The following TESK2 variants were observed in gnomAD, a reference collection of about 807,000 sequenced individuals.
The protein encoded by TESK2 is testis associated actin remodelling kinase 2, also known as dual specificity testis-specific protein kinase 2.
Under a neutral mutation model 57.1 loss-of-function variants are expected in TESK2, and 39 were observed. The ratio of observed to expected loss-of-function variants is 0.68; its 90% CI spans 0.53 to 0.89. The LOEUF is 0.89. TESK2 is among the 40% of genes least tolerant of loss of function. The pLI, the probability that TESK2 is intolerant of heterozygous loss-of-function variation, is 0.00. For missense variants in TESK2, 646 were observed against 732.1 expected, an observed-to-expected ratio of 0.88 and a Z score of 1.36; for synonymous variants, 249 against 267.9, an observed-to-expected ratio of 0.93 and a Z score of 0.69.
intron 1 of TESK2, among the ~76,000 whole-genome samples, chr1:45,487,564 G>C (rs1382213528): frequency 1.3e-5 from 2 of 152,152 alleles, no homozygotes; most frequent in African/African-American, 4.8e-5. Flanking sequence ...TTGAAATAAT[G>C]AACTCTGGGC....
chr1:45,392,165 A>C (rs1306103587), intron 3 of TESK2, among the ~76,000 whole-genome samples: 1 of 152,190 alleles, frequency 6.6e-6, no homozygotes, highest in Non-Finnish European at 1.5e-5. Context: ...GCCTCACTGC[A>C]ACCTCCGCCT....
In TESK2 at chr1:45,385,941, G is replaced by T; in HGVS notation, c.364C>A (p.His122Asn). The change falls in exon 4 of 11, where the codon CAT becomes AAT. Residue 122 changes from histidine (H) to asparagine (N), a missense_variant. By Grantham distance (68) the His-to-Asn change is moderately conservative. Coordinates refer to ENST00000372086, the MANE Select transcript of TESK2 (RefSeq NM_007170.3). ...NILRFMGVCVHQGQLHALTEY... is the reference protein window; with the variant it reads ...NILRFMGVCVNQGQLHALTEY... Reference sequence around the variant, plus strand: ...GTAAGTGCATGCAATTGTCCTTGATGAACACATACACCCATGAACCTAAAG... The same window carrying T: ...GTAAGTGCATGCAATTGTCCTTGATTAACACATACACCCATGAACCTAAAG... The T allele has an allele frequency of 6.2e-7, 1 of 1,607,200 alleles. No homozygotes were observed. The highest frequency in any genetic ancestry group is 1.1e-5 in the South Asian group (1 of 90,366).
intron 2 of TESK2, among the ~76,000 whole-genome samples, chr1:45,427,827 A>T (rs1650765846): frequency 1.3e-5 from 2 of 152,168 alleles, no homozygotes; most frequent in Non-Finnish European, 2.9e-5. Flanking sequence ...GCTTGATAGA[A>T]TGAAGAAGAT....
chr1:45,398,959 C>T, intron 3 of TESK2: 2 of 426,180 alleles, frequency 4.7e-6, no homozygotes, highest in South Asian at 1.7e-5. Context: ...CCACCTCTAC[C>T]CAACCTCCAT....
In TESK2 at chr1:45,421,764, A is replaced by G. The variant is rs1271599130; in HGVS notation, c.305T>C (p.Val102Ala). Residue 102 changes from valine to alanine, a missense_variant, in exon 3 of 11, where the codon GTA (valine) becomes GCA (alanine). Transcript: ENST00000372086. ...ATGGGAGAGTCTATTCATGAGCTGT[A>G]CTTCTTTCAGCATGTTTGCCCGGTT... ...SSNRANMLKE[V>A]QLMNRLSHPN... is the part of the protein sequence containing the mutation. 1.9e-6 allele frequency: 3 copies of G among 1,614,014 alleles called. No individual in the cohort carries two copies. Among genetic ancestry groups the G allele is most frequent in the Non-Finnish European group, 2.5e-6 (3 of 1,180,018 alleles).
At chr1:45,402,394 TAAAA>T (rs538809925) in intron 3 of TESK2, among the ~76,000 whole-genome samples, 1 of 115,578 alleles carries the variant, frequency 8.7e-6, no homozygotes, top group Non-Finnish European at 1.8e-5. Flanking sequence ...ATCTTGTCTT[TAAAA>T]AAAAAAAAAA....
intron 3 of TESK2, among the ~76,000 whole-genome samples, chr1:45,419,022 G>C (rs1261349080): frequency 6.7e-6 from 1 of 149,388 alleles, no homozygotes; most frequent in African/African-American, 2.5e-5. Context: ...TCTGTTGCCA[G>C]GCTGGAATAC....
At chr1:45,370,940 C>T (rs1648152764) in intron 4 of TESK2, among the ~76,000 whole-genome samples, 1 of 152,030 alleles carries the variant, frequency 6.6e-6, no homozygotes, top group African/African-American at 2.4e-5. Flanking sequence ...TAAAAACAGA[C>T]ATATAGACCA....
chr1:45,403,085 A>T (rs139962010), intron 3 of TESK2, among the ~76,000 whole-genome samples: 2 of 151,880 alleles, frequency 1.3e-5, no homozygotes, highest in Admixed American at 1.3e-4. Context: ...GGAGTTCAAG[A>T]TCAGCCTGGG....
chr1:45,437,140 T>A (rs1267493628), intron 2 of TESK2, among the ~76,000 whole-genome samples: 3 of 152,170 alleles, frequency 2.0e-5, no homozygotes, highest in Admixed American at 2.0e-4. Context: ...TGTAGATTGT[T>A]TTTGGGTAGC....
At chr1:45,393,008 G>A (rs939031247) in intron 3 of TESK2, among the ~76,000 whole-genome samples, 1 of 152,120 alleles carries the variant, frequency 6.6e-6, no homozygotes, top group Non-Finnish European at 1.5e-5. Context: ...GAACATTAGA[G>A]GCAAGTACAA....
At chr1:45,469,508 T>A (rs1434385726) in intron 1 of TESK2, among the ~76,000 whole-genome samples, 1 of 152,214 alleles carries the variant, frequency 6.6e-6, no homozygotes, top group Non-Finnish European at 1.5e-5. Context: ...AGGATTCAAA[T>A]CTAGTAGTTT....
chr1:45,366,591 T>C (rs1009087010), intron 4 of TESK2, among the ~76,000 whole-genome samples: 2 of 152,186 alleles, frequency 1.3e-5, no homozygotes, highest in African/African-American at 4.8e-5. Flanking sequence ...TTCATCACAC[T>C]GTACTATAAC....
chr1:45,369,688 G>T (rs1392538426), intron 4 of TESK2, among the ~76,000 whole-genome samples: 2 of 151,848 alleles, frequency 1.3e-5, no homozygotes, highest in African/African-American at 2.4e-5. Context: ...GGACTCTGAG[G>T]CCAGGTCTTG....
chr1:45,475,270 G>C (rs1388531846), intron 1 of TESK2, among the ~76,000 whole-genome samples: 5 of 143,668 alleles, frequency 3.5e-5, no homozygotes, highest in Non-Finnish European at 7.5e-5. Context: ...GCAGTGACGC[G>C]ATCTTGGTTC....
intron 1 of TESK2, among the ~76,000 whole-genome samples, chr1:45,468,731 A>G (rs536340145): frequency 2.6e-5 from 4 of 152,312 alleles, no homozygotes; most frequent in South Asian, 2.1e-4. Context: ...CCAGAAAAAC[A>G]TAAGGCGTTA....
chr1:45,437,249 GTTC>G (rs1448614033), intron 2 of TESK2, among the ~76,000 whole-genome samples: 1 of 152,078 alleles, frequency 6.6e-6, no homozygotes, highest in East Asian at 1.9e-4. Context: ...GCGTTTTGCA[GTTC>G]TTCTTGTAGG....
intron 3 of TESK2, among the ~76,000 whole-genome samples, chr1:45,386,345 C>CAAAA (rs11314981): frequency 1.5e-4 from 7 of 45,978 alleles, no homozygotes; most frequent in Non-Finnish European, 2.5e-4. Context: ...GACTTTGACT[C>CAAAA]AAAAAAAAAA....
chr1:45,469,266 A>G (rs545356926), intron 1 of TESK2, among the ~76,000 whole-genome samples: 1 of 152,304 alleles, frequency 6.6e-6, no homozygotes, highest in East Asian at 1.9e-4. Flanking sequence ...AGAAATATCA[A>G]GGAAATTTTT....
Sources: allele counts gnomAD v4.1 joint callset (sites outside exome capture counted in the v4.1 genomes callset), GRCh38; gene constraint gnomAD v4.1.1; transcripts MANE v1.5; gene names NCBI Gene and HGNC (gene_info 2026-07-23, HGNC 2026-07-21).